Variants in CNTNAP5 observed in about 807,000 individuals in gnomAD.
CNTNAP5 encodes contactin-associated protein-like 5.
CNTNAP5 carries 72 observed loss-of-function variants against 150.2 expected under a neutral mutation model. The ratio of observed to expected loss-of-function variants is 0.48; its 90% CI spans 0.40 to 0.58. CNTNAP5 has a LOEUF of 0.58. CNTNAP5 is among the 20% of genes least tolerant of loss of function. The pLI is 0.00. For synonymous variants in CNTNAP5, 672 were observed against 619.8 expected, an observed-to-expected ratio of 1.08 and a Z score of -1.25; for missense variants, 1,636 against 1,626.2, an observed-to-expected ratio of 1.01 and a Z score of -0.10.
intron 3 of CNTNAP5, among the ~76,000 whole-genome samples, chr2:124,314,865 A>C (rs554355426): frequency 6.6e-6 from 1 of 152,312 alleles, no homozygotes; most frequent in African/African-American, 2.4e-5. Flanking sequence ...ATCATTAATT[A>C]CATGGTCTTA....
At chr2:124,632,678 C>T (rs1364391159) in intron 12 of CNTNAP5, among the ~76,000 whole-genome samples, 1 of 151,044 alleles carries the variant, frequency 6.6e-6, no homozygotes, top group Non-Finnish European at 1.5e-5. Flanking sequence ...TACAAACCTG[C>T]ACATCCTGCA....
intron 16 of CNTNAP5, among the ~76,000 whole-genome samples, chr2:124,764,654 G>A (rs1424761586): frequency 1.3e-5 from 2 of 152,100 alleles, no homozygotes; most frequent in African/African-American, 2.4e-5. Flanking sequence ...TAAACTTGAT[G>A]CCAGGATGTG....
chr2:124,419,961 T>TCC (rs1692052364), intron 4 of CNTNAP5, among the ~76,000 whole-genome samples: 2 of 11,642 alleles, frequency 1.7e-4, no homozygotes, highest in Non-Finnish European at 4.0e-4. Context: ...TCTTTCCTTT[T>TCC]CTCTCTCTCT....
In CNTNAP5 at chr2:124,236,957, G is replaced by A. The variant is rs374233183; in HGVS notation, c.188-5243G>A. 9.9e-5 allele frequency among the ~76,000 whole-genome samples: 15 copies of A among 152,116 alleles called. No individual in the cohort carries two copies. In the East Asian group the frequency reaches 1.4e-3, roughly 14 times the overall value. ...AGCCTGGCCAACATGATGAAACCCCGTCTCTACTAAAAGTACAAAAAATTA... is the reference window on the plus strand; with the variant it reads ...AGCCTGGCCAACATGATGAAACCCCATCTCTACTAAAAGTACAAAAAATTA... On this transcript the variant is annotated intron_variant, in intron 2 of 23. Coordinates refer to ENST00000682447, the MANE Select transcript of CNTNAP5 (RefSeq NM_001367498.1).
chr2:124,140,048 G>A (rs1684074663), intron 1 of CNTNAP5, among the ~76,000 whole-genome samples: 1 of 152,024 alleles, frequency 6.6e-6, no homozygotes, highest in African/African-American at 2.4e-5. Context: ...GGAAAATCGG[G>A]TCACTCCCAC....
At chr2:124,563,173 ATGAT>A in intron 10 of CNTNAP5, 40 bp from the exon 11 acceptor site, 1 of 1,324,480 alleles carries the variant, frequency 7.6e-7, no homozygotes, top group Non-Finnish European at 1.1e-6. Flanking sequence ...TTTCTGCCAA[ATGAT>A]TTGGTTTATT....
At chr2:124,668,908 TCCTTTAAGGATGTGGTGCTATA>T (rs1209212756) in intron 13 of CNTNAP5, among the ~76,000 whole-genome samples, 1 of 152,154 alleles carries the variant, frequency 6.6e-6, no homozygotes, top group Non-Finnish European at 1.5e-5. Flanking sequence ...CTCAGACACA[TCCTTTAAGGATGTGGTGCTATA>T]CCTTTAAGCC....
At chr2:124,214,763 T>A (rs61280760) in intron 1 of CNTNAP5, among the ~76,000 whole-genome samples, 2,014 of 152,306 alleles carry the variant, frequency 0.013, 48 homozygotes, top group African/African-American at 0.046. Context: ...ATTGCTTTCT[T>A]GAGCTCAGGG....
intron 5 of CNTNAP5, among the ~76,000 whole-genome samples, 184 bp downstream of exon 5, chr2:124,434,871 G>A (rs1255712526): frequency 6.6e-6 from 1 of 152,244 alleles, no homozygotes; most frequent in African/African-American, 2.4e-5. Flanking sequence ...ATATTGACAT[G>A]TAGGGAGAGT....
intron 6 of CNTNAP5, among the ~76,000 whole-genome samples, chr2:124,468,520 C>T (rs1377205621): frequency 6.6e-6 from 1 of 152,040 alleles, no homozygotes; most frequent in Non-Finnish European, 1.5e-5. Flanking sequence ...AGATGGGGCC[C>T]ACCCACACTG....
intron 13 of CNTNAP5, among the ~76,000 whole-genome samples, chr2:124,695,859 T>C (rs1420287610): frequency 1.3e-5 from 2 of 152,166 alleles, no homozygotes; most frequent in Non-Finnish European, 2.9e-5. Context: ...TCGGCACCTG[T>C]CCCAGGTTCC....
chr2:124,791,758 G>A (rs144129118), intron 18 of CNTNAP5, among the ~76,000 whole-genome samples: 1 of 140,156 alleles, frequency 7.1e-6, no homozygotes, highest in East Asian at 2.1e-4. Context: ...TTCTGTCCAC[G>A]GCCCTGTATC....
intron 3 of CNTNAP5, among the ~76,000 whole-genome samples, chr2:124,258,898 G>T (rs1244439284): frequency 6.6e-6 from 1 of 151,442 alleles, no homozygotes; most frequent in Admixed American, 6.6e-5. Context: ...GGGTACATGT[G>T]CACAACGTGC....
chr2:124,663,502 T>C (rs1375366564), intron 13 of CNTNAP5, among the ~76,000 whole-genome samples: 7 of 152,184 alleles, frequency 4.6e-5, no homozygotes, highest in Admixed American at 2.6e-4. Flanking sequence ...ATCTGTATAT[T>C]CAGCACAATT....
chr2:124,655,983 G>GAAAT, intron 13 of CNTNAP5, among the ~76,000 whole-genome samples: 1 of 129,712 alleles, frequency 7.7e-6, no homozygotes, highest in South Asian at 2.7e-4. Flanking sequence ...AAGAAAGAAA[G>GAAAT]AAAGAAAGAA....
chr2:124,356,892 A>G (rs1416704078), intron 3 of CNTNAP5, among the ~76,000 whole-genome samples: 1 of 151,796 alleles, frequency 6.6e-6, no homozygotes, highest in East Asian at 1.9e-4. Flanking sequence ...ACTGACTTCC[A>G]CAATGGTTGA....
intron 3 of CNTNAP5, among the ~76,000 whole-genome samples, chr2:124,271,686 T>TATC (rs1388448106): frequency 5.0e-5 from 6 of 119,320 alleles, no homozygotes; most frequent in African/African-American, 1.5e-4. Context: ...TCTATCTATC[T>TATC]ATCTATCTAT....
intron 1 of CNTNAP5, among the ~76,000 whole-genome samples, chr2:124,057,880 C>T (rs1395541363): frequency 6.6e-6 from 1 of 151,964 alleles, no homozygotes; most frequent in Non-Finnish European, 1.5e-5. Flanking sequence ...ACCCCATTAC[C>T]CCATTCACCC....
At chr2:124,269,063 C>T (rs558179132) in intron 3 of CNTNAP5, among the ~76,000 whole-genome samples, 514 of 152,166 alleles carry the variant, frequency 3.4e-3, no homozygotes, top group Non-Finnish European at 5.6e-3. Context: ...GTACCCCCTG[C>T]TCCCCACCAC....
Sources: allele counts gnomAD v4.1 joint callset (sites outside exome capture counted in the v4.1 genomes callset), GRCh38; gene constraint gnomAD v4.1.1; transcripts MANE v1.5; gene names NCBI Gene and HGNC (gene_info 2026-07-23, HGNC 2026-07-21).